Variants in EVI5 observed in about 807,000 individuals in gnomAD.
EVI5 encodes the protein ecotropic viral integration site 5.
EVI5 carries 73 observed loss-of-function variants against 112.0 expected under a neutral mutation model. The observed-to-expected ratio is 0.65, with a 90% CI of 0.54 to 0.79. The LOEUF (loss-of-function observed/expected upper bound fraction) is 0.79. EVI5 is among the 30% of genes least tolerant of loss of function. The probability of loss-of-function intolerance (pLI) is 0.00; values close to 1 mark genes in which losing one functional copy is unlikely to be tolerated. For synonymous variants in EVI5, 305 were observed against 319.9 expected, an observed-to-expected ratio of 0.95 and a Z score of 0.50; for missense variants, 900 against 968.8, an observed-to-expected ratio of 0.93 and a Z score of 0.94.
At chr1:92,684,081 A>G (rs553246194) in intron 9 of EVI5, among the ~76,000 whole-genome samples, 1 of 152,298 alleles carries the variant, frequency 6.6e-6, no homozygotes, top group East Asian at 1.9e-4. Context: ...GAGAAGAGCA[A>G]TCCCAAGACA....
At chr1:92,743,369 A>C (rs894814828) in intron 1 of EVI5, among the ~76,000 whole-genome samples, 11 of 152,120 alleles carry the variant, frequency 7.2e-5, no homozygotes, top group African/African-American at 2.7e-4. Context: ...AAAGGGAAGG[A>C]AATTCTGACA....
chr1:92,628,978 C>T (rs539958632), intron 14 of EVI5, among the ~76,000 whole-genome samples: 3 of 152,286 alleles, frequency 2.0e-5, no homozygotes, highest in East Asian at 3.9e-4. Flanking sequence ...TTTCAAATTC[C>T]TTTCTACTTT....
intron 1 of EVI5, among the ~76,000 whole-genome samples, chr1:92,765,964 T>C (rs1682569548): frequency 6.6e-6 from 1 of 151,888 alleles, no homozygotes; most frequent in African/African-American, 2.4e-5. Flanking sequence ...CCTGTAGTCC[T>C]GGCTACTCAG....
chr1:92,591,055 GC>G (rs1673776970), intron 18 of EVI5, among the ~76,000 whole-genome samples: 1 of 152,128 alleles, frequency 6.6e-6, no homozygotes, highest in African/African-American at 2.4e-5. Flanking sequence ...TTACAGACAA[GC>G]AAATGCTGAG....
intron 18 of EVI5, among the ~76,000 whole-genome samples, chr1:92,582,017 T>C (rs1222703667): frequency 2.6e-5 from 4 of 152,180 alleles, no homozygotes; most frequent in Non-Finnish European, 5.9e-5. Context: ...GAGAAATGTG[T>C]TGTTAGGGGA....
intron 18 of EVI5, among the ~76,000 whole-genome samples, chr1:92,594,164 T>C (rs1270369761): frequency 2.6e-5 from 4 of 152,148 alleles, no homozygotes; most frequent in Non-Finnish European, 4.4e-5. Context: ...GACTTCAAAT[T>C]ATACTACAAG....
intron 18 of EVI5, among the ~76,000 whole-genome samples, chr1:92,575,715 C>G (rs1457659852): frequency 1.3e-5 from 2 of 151,770 alleles, no homozygotes; most frequent in Non-Finnish European, 1.5e-5. Context: ...AGGCATGCAC[C>G]AGCACACTTG....
At chr1:92,543,810 G>C (rs1227695001) in intron 19 of EVI5, among the ~76,000 whole-genome samples, 2 of 152,214 alleles carry the variant, frequency 1.3e-5, no homozygotes, top group Non-Finnish European at 2.9e-5. Flanking sequence ...ACAGAGACAT[G>C]AAGTGAGCAC....
intron 2 of EVI5, among the ~76,000 whole-genome samples, chr1:92,721,788 T>C (rs2102700788): frequency 6.6e-6 from 1 of 152,344 alleles, no homozygotes; most frequent in East Asian, 1.9e-4. Context: ...GCAATTCATC[T>C]ACAACCACAC....
chr1:92,640,542 A>G (rs1659735611), intron 13 of EVI5, among the ~76,000 whole-genome samples: 1 of 152,164 alleles, frequency 6.6e-6, no homozygotes, highest in Admixed American at 6.5e-5. Flanking sequence ...TGCAAATCAA[A>G]CCCACAATGA....
intron 16 of EVI5, among the ~76,000 whole-genome samples, chr1:92,608,018 G>C (rs1025045316): frequency 2.0e-5 from 3 of 151,768 alleles, no homozygotes; most frequent in Non-Finnish European, 4.4e-5. Flanking sequence ...AGGCATGGTG[G>C]CGGGCACCTG....
intron 19 of EVI5, among the ~76,000 whole-genome samples, chr1:92,561,457 T>G (rs1668520296): frequency 6.6e-6 from 1 of 152,174 alleles, no homozygotes; most frequent in African/African-American, 2.4e-5. Context: ...TTTTCATGTT[T>G]GTATAAGGTA....
chr1:92,559,802 T>A (rs1260877879), intron 19 of EVI5, among the ~76,000 whole-genome samples: 1 of 146,084 alleles, frequency 6.8e-6, no homozygotes, highest in Non-Finnish European at 1.5e-5. Flanking sequence ...AAAAAAAGCT[T>A]CTTGGCATTC....
At chr1:92,574,781 T>G (rs1670801231) in intron 18 of EVI5, among the ~76,000 whole-genome samples, 1 of 152,178 alleles carries the variant, frequency 6.6e-6, no homozygotes, top group African/African-American at 2.4e-5. Context: ...TACAATAAAC[T>G]GTTTATAAAT....
At chr1:92,607,972 C>G (rs546953554) in intron 16 of EVI5, among the ~76,000 whole-genome samples, 2 of 151,608 alleles carry the variant, frequency 1.3e-5, no homozygotes, top group Admixed American at 1.3e-4. Flanking sequence ...GGTGAAACCC[C>G]GTCTCTACTA....
chr1:92,536,752 A>G (rs774559381), intron 19 of EVI5, among the ~76,000 whole-genome samples: 5 of 152,158 alleles, frequency 3.3e-5, no homozygotes, highest in Admixed American at 2.0e-4. Context: ...AGAAAATATG[A>G]TCACCTGGGC....
chr1:92,615,861 A>G (rs1376715037), intron 16 of EVI5, among the ~76,000 whole-genome samples: 1 of 152,166 alleles, frequency 6.6e-6, no homozygotes, highest in African/African-American at 2.4e-5. Flanking sequence ...AAAAAAACCA[A>G]GTTCTCTAAT....
At position 92,598,602 on chromosome 1, in the gene EVI5, C is replaced by T. The variant is rs186126585; in HGVS notation, c.2070+6705G>A. 2.6e-5 allele frequency among the ~76,000 whole-genome samples: 4 copies of T among 152,082 alleles called. No homozygotes were observed. In the East Asian group the frequency reaches 5.8e-4, roughly 22 times the overall value. The stretch of plus-strand genomic sequence containing the variant: ...AGAATTGTCAAAAAATATTTAAATG[C>T]TATACATGGCATAGTATTGTTTTAT... On this transcript the variant is annotated intron_variant, in intron 18 of 19. Coordinates refer to ENST00000684568, the MANE Select transcript of EVI5 (RefSeq NM_001350197.2).
chr1:92,776,923 C>T (rs1473562480), intron 1 of EVI5, among the ~76,000 whole-genome samples: 1 of 152,054 alleles, frequency 6.6e-6, no homozygotes, highest in Non-Finnish European at 1.5e-5. Flanking sequence ...CTGCCTCAGC[C>T]TCCCGAGTAG....
Sources: gnomAD v4.1 joint callset for allele counts (sites outside exome capture counted in the v4.1 genomes callset) on GRCh38, gnomAD v4.1.1 for gene constraint, MANE v1.5 for transcripts, NCBI Gene and HGNC (gene_info 2026-07-23, HGNC 2026-07-21) for gene names.